The following ANK1 variants were observed in gnomAD, a reference collection of about 807,000 sequenced individuals.
The protein encoded by ANK1 is ankyrin 1, also known as ankyrin-1.
In ANK1, 51 loss-of-function variants were observed where a neutral mutation model predicts 210.4. The observed-to-expected ratio is 0.24, with a 90% CI of 0.19 to 0.31. ANK1 has a LOEUF of 0.31. ANK1 is among the 10% of genes least tolerant of loss of function. The pLI is 1.00. For missense variants in ANK1, 2,051 were observed against 2,504.4 expected (o/e 0.82, Z 3.86); for synonymous variants, 967 against 1,025.9 (o/e 0.94, Z 1.10).
chr8:41,688,438 C>T, intron 34 of ANK1, 73 bp downstream of exon 34: 1 of 1,558,460 alleles, frequency 6.4e-7, no homozygotes, highest in African/African-American at 1.4e-5. Context: ...CCTCACAGGG[C>T]TGCGGGGAGA....
intron 42 of ANK1, chr8:41,660,958 C>T (rs1807889502): frequency 2.5e-5 from 7 of 278,592 alleles, no homozygotes; most frequent in Non-Finnish European, 4.9e-5. Context: ...TCTAGATCCC[C>T]ATTGCTTGGT....
intron 1 of ANK1, among the ~76,000 whole-genome samples, chr8:41,847,731 G>A (rs936782500): frequency 6.6e-6 from 1 of 152,144 alleles, no homozygotes; most frequent in Admixed American, 6.5e-5. Flanking sequence ...CTTGGCCACC[G>A]TGCCTTTTAT....
chr8:41,842,524 C>G (rs894364388), intron 1 of ANK1, among the ~76,000 whole-genome samples: 9 of 152,140 alleles, frequency 5.9e-5, no homozygotes, highest in Admixed American at 6.6e-5. Flanking sequence ...GAATGAAGCC[C>G]TGGCTCTGCC....
intron 1 of ANK1, among the ~76,000 whole-genome samples, chr8:41,773,707 A>G (rs565971971): frequency 6.6e-6 from 1 of 152,136 alleles, no homozygotes; most frequent in South Asian, 2.1e-4. Flanking sequence ...CTTTCAAATC[A>G]CATGTTCTGG....
At position 41,659,762 on chromosome 8, in the gene ANK1, G is replaced by C. The variant is rs1039406038; in HGVS notation, c.*36+1668C>G. Among the ~76,000 whole-genome samples the C allele has an allele frequency of 2.1e-5, 3 of 145,988 alleles. No individual in the cohort carries two copies. In the Admixed American group the frequency reaches 2.2e-4, roughly 11 times the overall value. Reference sequence around the variant, plus strand: ...TGTCACTGACAGAGGGCCAAGTGCTGTCCCAGAGCCAGGCTGCTCCGTGTT... The same window carrying C: ...TGTCACTGACAGAGGGCCAAGTGCTCTCCCAGAGCCAGGCTGCTCCGTGTT... On this transcript the variant is annotated intron_variant, in intron 42 of 42. Transcript: ENST00000289734.
chr8:41,718,226 A>G (rs1413777899), intron 10 of ANK1, 22 bp from the exon 11 acceptor site: 2 of 1,610,576 alleles, frequency 1.2e-6, no homozygotes, highest in Admixed American at 3.3e-5. Flanking sequence ...ACAAAGGGAG[A>G]CAGACAAGCA....
intron 1 of ANK1, among the ~76,000 whole-genome samples, chr8:41,811,698 G>A (rs1802526103): frequency 6.6e-6 from 1 of 152,180 alleles, no homozygotes; most frequent in Non-Finnish European, 1.5e-5. Context: ...CTGCACAGTG[G>A]GACTGCCAAT....
rs368414600 is a variant in ANK1 at position 41,725,856 on chromosome 8, G to A, written c.517C>T (p.Arg173Cys). Residue 173 changes from arginine (R) to cysteine (C), a missense_variant, in exon 6 of 43, where the codon CGC (arginine) becomes TGC (cysteine). Arg to Cys is a radical substitution (Grantham distance 180). This residue lies in a region of ANK1 where 1,413 missense variants were observed against 1,707.4 expected (regional missense o/e 0.83). Transcript: ENST00000289734. ...GCCGCGATGTGCAGGGCCGGGAGGC[G>A]CACCTTCCCCTTGGTGCCGTAGTTG... ...LINYGTKGKV[R>C]LPALHIAARN... 1 of 1,611,824 alleles carries A rather than the reference G, an allele frequency of 6.2e-7. No individual in the cohort carries two copies. Among genetic ancestry groups the A allele is most frequent in the South Asian group, 1.1e-5 (1 of 90,686 alleles).
At chr8:41,676,603 T>A (rs753914857) in intron 37 of ANK1, among the ~76,000 whole-genome samples, 1 of 152,228 alleles carries the variant, frequency 6.6e-6, no homozygotes, top group African/African-American at 2.4e-5. Context: ...GTCAATTTGT[T>A]CTTTTATGGA....
chr8:41,864,800 C>T (rs997690234), intron 1 of ANK1, among the ~76,000 whole-genome samples: 9 of 152,288 alleles, frequency 5.9e-5, no homozygotes, highest in African/African-American at 1.7e-4. Flanking sequence ...AGAAACTGAT[C>T]GCCCCTCCCT....
rs770345014 is a variant in ANK1, at chr8:41,696,424, C to T, written c.2899G>A (p.Glu967Lys). The change falls in exon 26 of 43, where the codon GAG becomes AAG. Residue 967 changes from glutamate to lysine, a missense_variant. By Grantham distance (56) the Glu-to-Lys change is moderately conservative (BLOSUM62 1). Coordinates refer to ENST00000289734, the MANE Select transcript of ANK1 (RefSeq NM_000037.4). ...QKLSTPPPLA[E>K]EEGLASRIIA... is the part of the protein sequence containing the mutation. ...ATCCTGCTGGCCAGGCCCTCCTCCTCGGCCAGTGGGGGCGGCGTGCTGAGC... is the reference window on the plus strand; with the variant it reads ...ATCCTGCTGGCCAGGCCCTCCTCCTTGGCCAGTGGGGGCGGCGTGCTGAGC... 5.4e-5 allele frequency: 87 copies of T among 1,613,192 alleles called. No homozygotes were observed. The East Asian group carries it at 1.5e-3, about 29-fold the overall frequency.
At position 41,797,461 on chromosome 8, in the gene ANK1, G is replaced by A. The variant is rs748492506; in HGVS notation, c.27+51C>T. ...TGCTGCCTACTGGCGCGGCCTGGGT[G>A]GCCCCCTCCTGACATCTCCCCGTCC... On this transcript the variant is annotated intron_variant, in intron 1 of 42. Coordinates refer to ENST00000289734, the MANE Select transcript of ANK1 (RefSeq NM_000037.4). The surrounding 1 kb of genome is among the most constrained non-coding windows in gnomAD (Gnocchi z 4.0). The A allele has an allele frequency of 1.3e-6, 2 of 1,556,718 alleles. No individual in the cohort carries two copies. Among genetic ancestry groups the A allele is most frequent in the African/African-American group, 2.7e-5 (2 of 73,718 alleles).
At chr8:41,787,239 G>A (rs765968092) in intron 1 of ANK1, among the ~76,000 whole-genome samples, 3 of 152,210 alleles carry the variant, frequency 2.0e-5, no homozygotes, top group Non-Finnish European at 4.4e-5. Flanking sequence ...GAGCAGTCAT[G>A]CTTTGTGGGT....
rs1419821967 is a variant in ANK1, at chr8:41,714,147, G to A, written c.1800+9C>T. The A allele has an allele frequency of 8.9e-6, 12 of 1,344,216 alleles. No homozygotes were observed. The highest frequency in any genetic ancestry group is 2.3e-4 in the Middle Eastern group (1 of 4,296). The allele number at this position is 1,344,216 out of a possible 1,614,324, so 83.3% of individuals were successfully genotyped here. A position where few individuals can be genotyped will look rare whatever the true frequency, so the allele number is the denominator to read the frequency against. ...TCCAGGGGCAGCTGGGGAGAGGGGC[G>A]GGCCTTACCCAGGCAGGGCTGTGCG... is the stretch of plus-strand genomic sequence containing the variant. On this transcript the variant is annotated intron_variant, in intron 16 of 42. Transcript: ENST00000289734.
At chr8:41,761,308 C>G (rs142433493) in intron 1 of ANK1, among the ~76,000 whole-genome samples, 1 of 151,632 alleles carries the variant, frequency 6.6e-6, no homozygotes, top group Admixed American at 6.6e-5. Context: ...TACACACACA[C>G]GCACACACAT....
Position 41,655,733 on chromosome 8 carries a change from G to A in ANK1, c.*57C>T, listed in dbSNP as rs1370731805. The A allele has an allele frequency of 1.2e-6, 2 of 1,614,148 alleles. No individual in the cohort carries two copies. The highest frequency in any genetic ancestry group is 1.7e-6 in the Non-Finnish European group (2 of 1,180,010). On this transcript the variant is annotated 3_prime_UTR_variant, in exon 43 of 43. Coordinates refer to ENST00000289734, the MANE Select transcript of ANK1 (RefSeq NM_000037.4). The stretch of plus-strand genomic sequence containing the variant: ...ATGGCAGAGTGTGTGGGGTTCAGGG[G>A]TTGGGTGTCGAGGTGTGATCCTGGG...
In ANK1 at chr8:41,653,889, G is replaced by GCCCCA. The variant is rs1399106851; in HGVS notation, c.*1896_*1900dup. On this transcript the variant is annotated 3_prime_UTR_variant, in exon 43 of 43. Transcript: ENST00000289734. Reference sequence around the variant, plus strand: ...CGCCCCTCTAAAGGAAGCAAAAGCAGCCCCACCCCCGGCCGACAAGGCGCC... The same window carrying GCCCCA: ...CGCCCCTCTAAAGGAAGCAAAAGCAGCCCCACCCCACCCCCGGCCGACAAGGCGCC... 2 of 152,310 alleles carry GCCCCA rather than the reference G, an allele frequency of 1.3e-5. No homozygotes were observed. Among genetic ancestry groups the GCCCCA allele is most frequent in the East Asian group, 3.9e-4 (2 of 5,148 alleles). 9.4% of individuals were successfully genotyped at this position (152,310 alleles called of 1,614,324 possible).
intron 9 of ANK1, among the ~76,000 whole-genome samples, chr8:41,720,925 G>A (rs1463524630): frequency 1.3e-5 from 2 of 152,174 alleles, no homozygotes; most frequent in African/African-American, 4.8e-5. Context: ...AGAGGAGGCT[G>A]GAGCTGCGCC....
chr8:41,896,523 C>T (rs1820562427), exon 1 of ANK1: 3 of 1,555,572 alleles, frequency 1.9e-6, no homozygotes, highest in Admixed American at 1.9e-5. Flanking sequence ...GGACCCCTAG[C>T]GCTCAGCGAT....
Sources: allele counts gnomAD v4.1 joint callset (sites outside exome capture counted in the v4.1 genomes callset), GRCh38; gene constraint gnomAD v4.1.1; regional missense constraint gnomAD v4.1.1; non-coding constraint Gnocchi (gnomAD v3.1); transcripts MANE v1.5; gene names NCBI Gene and HGNC (gene_info 2026-07-23, HGNC 2026-07-21).